Variants in VWC2L observed in about 807,000 individuals in gnomAD.
VWC2L encodes the protein von Willebrand factor C domain-containing protein 2-like.
Under a neutral mutation model 21.6 loss-of-function variants are expected in VWC2L, and 10 were observed. The observed-to-expected ratio is 0.46, with a 90% CI of 0.29 to 0.78. The LOEUF (loss-of-function observed/expected upper bound fraction) is 0.78, where lower values mean the gene tolerates loss of function less well. Ranked by LOEUF, VWC2L falls within the 30% of genes least tolerant of loss-of-function variation. The probability of loss-of-function intolerance (pLI) is 0.10; values close to 1 mark genes in which losing one functional copy is unlikely to be tolerated. For synonymous variants in VWC2L, 96 were observed against 94.3 expected (o/e 1.02, Z -0.10); for missense variants, 209 against 277.1 (o/e 0.75, Z 1.74).
intron 3 of VWC2L, among the ~76,000 whole-genome samples, chr2:214,524,191 C>A (rs1434301692): frequency 6.6e-6 from 1 of 152,150 alleles, no homozygotes; most frequent in Non-Finnish European, 1.5e-5. Context: ...ACTCACGTGA[C>A]AAACTTTTAC....
At chr2:214,443,814 G>T (rs1013785513) in intron 3 of VWC2L, among the ~76,000 whole-genome samples, 3 of 152,086 alleles carry the variant, frequency 2.0e-5, no homozygotes, top group Non-Finnish European at 2.9e-5. Context: ...ATAGATAGAT[G>T]AATACATACA....
chr2:214,413,357 A>G (rs546899145), intron 1 of VWC2L, among the ~76,000 whole-genome samples: 2 of 152,202 alleles, frequency 1.3e-5, no homozygotes, highest in South Asian at 4.1e-4. Flanking sequence ...CTTCCTTCCT[A>G]TGTAAAATAA....
intron 3 of VWC2L, among the ~76,000 whole-genome samples, chr2:214,447,143 G>A (rs1360875182): frequency 6.6e-6 from 1 of 152,114 alleles, no homozygotes; most frequent in Non-Finnish European, 1.5e-5. Context: ...ATTAAATGGG[G>A]TGGGGTCTGA....
intron 3 of VWC2L, among the ~76,000 whole-genome samples, chr2:214,483,346 T>A (rs55988633): frequency 0.23 from 34,727 of 149,078 alleles, 4,073 homozygotes; most frequent in Admixed American, 0.28. Context: ...GGCTTAACTA[T>A]TTTTTTTTCT....
intron 3 of VWC2L, among the ~76,000 whole-genome samples, chr2:214,445,254 TGA>T (rs1366489256): frequency 2.6e-5 from 4 of 151,706 alleles, no homozygotes; most frequent in Non-Finnish European, 5.9e-5. Flanking sequence ...TCAAAAATAA[TGA>T]GAGAAGAATT....
intron 3 of VWC2L, among the ~76,000 whole-genome samples, chr2:214,475,011 T>A (rs966828496): frequency 4.6e-5 from 7 of 152,142 alleles, no homozygotes; most frequent in African/African-American, 1.7e-4. Flanking sequence ...TTGGGACAAC[T>A]GTTATCTCTG....
In VWC2L at chr2:214,521,227, T is replaced by A. The variant is rs548629471; in HGVS notation, c.521-54445T>A. On this transcript the variant is annotated intron_variant, in intron 3 of 3. Coordinates refer to ENST00000312504, the MANE Select transcript of VWC2L (RefSeq NM_001080500.4). ...ACGACAGAGGGAGACTCTGACTCCA[T>A]CTCAAAGATAAATAAATAAATAAAT... 2.0e-4 allele frequency among the ~76,000 whole-genome samples: 28 copies of A among 141,434 alleles called. No individual in the cohort carries two copies. The East Asian group carries it at 4.6e-3, about 23-fold the overall frequency. The allele number at this position is 141,434 out of a possible 152,430, so 92.8% of individuals were successfully genotyped here. A position where few individuals can be genotyped will look rare whatever the true frequency, so the allele number is the denominator to read the frequency against.
intron 3 of VWC2L, among the ~76,000 whole-genome samples, chr2:214,541,759 T>C (rs939419791): frequency 3.3e-5 from 5 of 152,180 alleles, no homozygotes; most frequent in African/African-American, 7.2e-5. Flanking sequence ...AACTAGCACA[T>C]ACACAATCAC....
intron 3 of VWC2L, among the ~76,000 whole-genome samples, chr2:214,444,439 A>C (rs1236019679): frequency 2.6e-5 from 4 of 152,036 alleles, no homozygotes; most frequent in Non-Finnish European, 5.9e-5. Context: ...TATTAAAAAT[A>C]ATAAGGAAAC....
chr2:214,534,294 T>A (rs905926443), intron 3 of VWC2L: 4 of 152,592 alleles, frequency 2.6e-5, no homozygotes, highest in Non-Finnish European at 4.4e-5. Flanking sequence ...CTGGGTGCTA[T>A]GCATTTTAAT....
At chr2:214,529,883 C>A (rs1184205486) in intron 3 of VWC2L, among the ~76,000 whole-genome samples, 1 of 152,148 alleles carries the variant, frequency 6.6e-6, no homozygotes, top group Non-Finnish European at 1.5e-5. Flanking sequence ...TAGTTTCATT[C>A]CTCATCTTTT....
chr2:214,429,154 A>T (rs1702566233), intron 2 of VWC2L, among the ~76,000 whole-genome samples: 1 of 152,206 alleles, frequency 6.6e-6, no homozygotes, highest in Non-Finnish European at 1.5e-5. Context: ...TGATATCAAC[A>T]ATCTCTCCTT....
rs940634041 is a variant in VWC2L at position 214,578,725 on chromosome 2, C to T, written c.*2905C>T. The T allele has an allele frequency of 2.6e-5, 4 of 152,038 alleles. No homozygotes were observed. The highest frequency in any genetic ancestry group is 7.2e-5 in the African/African-American group (3 of 41,414). The allele number at this position is 152,038 out of a possible 1,614,324, so 9.4% of individuals were successfully genotyped here. On this transcript the variant is annotated 3_prime_UTR_variant, in exon 4 of 4. Transcript: ENST00000312504. ...TCTCTGTACTCCTATTTCTCCTCCG[C>T]CTTTGGTTCTCGGCTTTAACAACAG...
At chr2:214,452,368 A>C (rs909490167) in intron 3 of VWC2L, among the ~76,000 whole-genome samples, 2 of 151,602 alleles carry the variant, frequency 1.3e-5, no homozygotes, top group African/African-American at 4.9e-5. Flanking sequence ...GCTAGTCTCT[A>C]CTCTTTTTCA....
chr2:214,544,536 C>T (rs958166565), intron 3 of VWC2L, among the ~76,000 whole-genome samples: 1 of 152,072 alleles, frequency 6.6e-6, no homozygotes, highest in Admixed American at 6.6e-5. Flanking sequence ...GACTGGTACG[C>T]TTGTTACTCC....
At chr2:214,464,566 T>G (rs1346303014) in intron 3 of VWC2L, among the ~76,000 whole-genome samples, 1 of 151,910 alleles carries the variant, frequency 6.6e-6, no homozygotes, top group African/African-American at 2.4e-5. Flanking sequence ...CACCACCACA[T>G]AGACAGCACT....
intron 3 of VWC2L, among the ~76,000 whole-genome samples, chr2:214,469,739 G>A (rs1227465776): frequency 1.3e-5 from 2 of 152,146 alleles, no homozygotes; most frequent in East Asian, 3.8e-4. Flanking sequence ...AAATTTTCCA[G>A]AACTACTTCC....
chr2:214,453,412 C>T (rs909547184), intron 3 of VWC2L, among the ~76,000 whole-genome samples: 3 of 152,120 alleles, frequency 2.0e-5, no homozygotes, highest in African/African-American at 7.2e-5. Flanking sequence ...TTTCTGAACC[C>T]TGTATTCTGT....
intron 3 of VWC2L, among the ~76,000 whole-genome samples, chr2:214,458,685 G>A (rs935096499): frequency 5.3e-5 from 8 of 152,044 alleles, no homozygotes; most frequent in African/African-American, 1.9e-4. Context: ...TTACCTAGTG[G>A]TCATTTAGGA....
Sources: allele counts gnomAD v4.1 joint callset (sites outside exome capture counted in the v4.1 genomes callset), GRCh38; gene constraint gnomAD v4.1.1; transcripts MANE v1.5; gene names NCBI Gene and HGNC (gene_info 2026-07-23, HGNC 2026-07-21).